Variants in VEGFA observed in about 807,000 individuals in gnomAD.
VEGFA encodes vascular endothelial growth factor A.
A neutral mutation model predicts 49.7 loss-of-function variants in VEGFA; 20 were observed. That is an observed-to-expected ratio of 0.40 (90% CI 0.28 to 0.58). VEGFA has a LOEUF of 0.58. Ranked by LOEUF, VEGFA falls within the 20% of genes least tolerant of loss-of-function variation. The pLI, the probability that VEGFA is intolerant of heterozygous loss-of-function variation, is 0.40. For synonymous variants in VEGFA, 219 were observed against 223.4 expected (o/e 0.98, Z 0.18); for missense variants, 505 against 553.5 (o/e 0.91, Z 0.88).
rs984416658 is a variant in VEGFA at position 43,770,249 on chromosome 6, G to T, written c.-458G>T. On this transcript the variant is annotated 5_prime_UTR_variant, in exon 1 of 8. Coordinates refer to ENST00000672860, the MANE Select transcript of VEGFA (RefSeq NM_003376.6). Reference sequence around the variant, plus strand: ...GCAGCCGGGTAGCTCGGAGGTCGTGGCGCTGGGGGCTAGCACCAGCGCTCT... The same window carrying T: ...GCAGCCGGGTAGCTCGGAGGTCGTGTCGCTGGGGGCTAGCACCAGCGCTCT... The T allele has an allele frequency of 1.2e-3, 300 of 248,496 alleles. 4 individuals carry two copies. The highest frequency in any genetic ancestry group is 1.7e-3 in the Non-Finnish European group (213 of 128,434). The allele number at this position is 248,496 out of a possible 1,614,324, so 15.4% of individuals were successfully genotyped here. A position where few individuals can be genotyped will look rare whatever the true frequency, so the allele number is the denominator to read the frequency against.
rs1561980368 is a variant in VEGFA, at chr6:43,771,067, G to C, written c.361G>C (p.Gly121Arg). Residue 121 changes from glycine (G) to arginine (R), a missense_variant, in exon 1 of 8, where the codon GGT (glycine) becomes CGT (arginine). Transcript: ENST00000672860. ...CGCTCGGAAGCCGGGCTCATGGACG[G>C]GTGAGGCGGCGGTGTGCGCAGACAG... 1 of 1,508,264 alleles carries C rather than the reference G, an allele frequency of 6.6e-7. No homozygotes were observed. Among genetic ancestry groups the C allele is most frequent in the Non-Finnish European group, 8.9e-7 (1 of 1,128,780 alleles). 93.4% of individuals were successfully genotyped at this position (1,508,264 alleles called of 1,614,324 possible).
intron 1 of VEGFA, chr6:43,774,072 G>T: frequency 1.8e-6 from 1 of 562,064 alleles, no homozygotes; most frequent in South Asian, 2.0e-5. Flanking sequence ...AAGCATTCTG[G>T]GGTTTTCCTC....
At chr6:43,774,510 G>A (rs1764660265) in intron 2 of VEGFA, 118 bp downstream of exon 2, 5 of 1,242,464 alleles carry the variant, frequency 4.0e-6, no homozygotes, top group Non-Finnish European at 5.8e-6. Context: ...GGAATATAAG[G>A]ATCAAGAAAG....
chr6:43,778,066 C>T, intron 3 of VEGFA: 1 of 445,982 alleles, frequency 2.2e-6, no homozygotes, highest in South Asian at 2.3e-5. Context: ...GGGCACATCT[C>T]AGCCCAGATA....
At position 43,770,894 on chromosome 6, in the gene VEGFA, G is replaced by C. The variant is rs1202242670; in HGVS notation, c.188G>C (p.Arg63Pro). 6.5e-7 allele frequency: 1 copy of C among 1,544,720 alleles called. No homozygotes were observed. Among genetic ancestry groups the C allele is most frequent in the Non-Finnish European group, 8.7e-7 (1 of 1,145,486 alleles). The change falls in exon 1 of 8, where the codon CGC (arginine) becomes CCC (proline). Residue 63 changes from arginine to proline, a missense_variant. By Grantham distance (103) the Arg-to-Pro change is moderately radical (BLOSUM62 -2). Coordinates refer to ENST00000672860, the MANE Select transcript of VEGFA (RefSeq NM_003376.6). ...TTCGTCCAACTTCTGGGCTGTTCTC[G>C]CTTCGGAGGAGCCGTGGTCCGCGCG...
At chr6:43,780,533 C>T (rs911800596) in intron 5 of VEGFA, 199 bp from the exon 6 acceptor site, 13 of 680,534 alleles carry the variant, frequency 1.9e-5, no homozygotes, top group South Asian at 5.3e-5. Context: ...AAAGAGCCAT[C>T]GAGTGCTTGC....
chr6:43,775,349 T>G, intron 2 of VEGFA: 1 of 152,280 alleles, frequency 6.6e-6, no homozygotes, highest in East Asian at 1.9e-4. Flanking sequence ...GAGAAAAGGT[T>G]GTCTGCGATA....
At chr6:43,782,323 T>G (rs1582530519) in intron 7 of VEGFA, 2 of 556,112 alleles carry the variant, frequency 3.6e-6, no homozygotes, top group East Asian at 3.6e-5. Flanking sequence ...TTGCCCTGGT[T>G]GCCTGAGTGG....
intron 1 of VEGFA, among the ~76,000 whole-genome samples, chr6:43,771,725 G>C (rs1255024279): frequency 6.6e-6 from 1 of 152,188 alleles, no homozygotes; most frequent in Non-Finnish European, 1.5e-5. Flanking sequence ...GGGGGTGCTC[G>C]GACCTTGGAC....
Position 43,785,840 on chromosome 6 carries a change from TAA to T in VEGFA, c.*1280_*1281del, listed in dbSNP as rs1379071045. 5.3e-6 allele frequency: 1 copy of T among 187,300 alleles called. No individual in the cohort carries two copies. The highest frequency in any genetic ancestry group is 1.1e-5 in the Non-Finnish European group (1 of 89,238). The allele number at this position is 187,300 out of a possible 1,614,324, so 11.6% of individuals were successfully genotyped here. ...TAGAAATTAAAACAGTTAATTTAAT[TAA>T]AGAGTAGGGTTTTTTTTCAGTATTC... On this transcript the variant is annotated 3_prime_UTR_variant, in exon 8 of 8. Transcript: ENST00000672860.
At chr6:43,780,698 G>GCT in intron 5 of VEGFA, 34 bp from the exon 6 acceptor site, 5 of 1,038,268 alleles carry the variant, frequency 4.8e-6, no homozygotes, top group Non-Finnish European at 6.7e-6. Flanking sequence ...CACCGCCCCC[G>GCT]CTCTCTCTCT....
chr6:43,780,767 GA>G lies in VEGFA; in HGVS notation c.1001del (p.Lys334SerfsTer50). The G allele has an allele frequency of 6.2e-7, 1 of 1,612,246 alleles. No individual in the cohort carries two copies. The highest frequency in any genetic ancestry group is 8.5e-7 in the Non-Finnish European group (1 of 1,179,310). Reference sequence around the variant, plus strand: ...CGAGGAAAGGGAAAGGGGCAAAAACGAAAGCGCAAGAAATCCCGGTATAAGT... The same window carrying G: ...CGAGGAAAGGGAAAGGGGCAAAAACGAAGCGCAAGAAATCCCGGTATAAGT... On this transcript the variant is annotated frameshift_variant, in exon 6 of 8. Transcript: ENST00000672860. LOFTEE classifies it high-confidence loss of function.
intron 2 of VEGFA, 36 bp downstream of exon 2, chr6:43,774,428 C>T (rs1434506997): frequency 6.2e-7 from 1 of 1,611,288 alleles, no homozygotes; most frequent in Non-Finnish European, 8.5e-7. Flanking sequence ...GGTTCCCTGT[C>T]CTCTCAGGGG....
At chr6:43,774,854 T>C in intron 2 of VEGFA, 1 of 195,224 alleles carries the variant, frequency 5.1e-6, no homozygotes. Context: ...CTCCCTTCCC[T>C]GGTTTGCATT....
At position 43,777,132 on chromosome 6, in the gene VEGFA, G is replaced by A. The variant is rs916711340; in HGVS notation, c.659-337G>A. 5.1e-5 allele frequency: 21 copies of A among 410,182 alleles called. No individual in the cohort carries two copies. Among genetic ancestry groups the A allele is most frequent in the African/African-American group, 4.1e-4 (20 of 48,890 alleles). 25.4% of individuals were successfully genotyped at this position (410,182 alleles called of 1,614,324 possible). Reference sequence around the variant, plus strand: ...GGAAAGCTTAGAGCATCCCCATGGGGTATACCCATACTCAGACTGTCCTCT... The same window carrying A: ...GGAAAGCTTAGAGCATCCCCATGGGATATACCCATACTCAGACTGTCCTCT... On this transcript the variant is annotated intron_variant, in intron 2 of 7. Transcript: ENST00000672860. This position sits in a 1 kb window ranked among gnomAD's most constrained non-coding sequence, Gnocchi z 4.3.
Position 43,771,260 on chromosome 6 carries a change from T to C in VEGFA, c.554T>C (p.Leu185Pro). 2 of 1,607,214 alleles carry C rather than the reference T, an allele frequency of 1.2e-6. No individual in the cohort carries two copies. The highest frequency in any genetic ancestry group is 1.7e-6 in the Non-Finnish European group (2 of 1,177,550). Reference sequence around the variant, plus strand: ...GCCTCCGAAACCATGAACTTTCTGCTGTCTTGGGTGCATTGGAGCCTTGCC... The same window carrying C: ...GCCTCCGAAACCATGAACTTTCTGCCGTCTTGGGTGCATTGGAGCCTTGCC... The change falls in exon 1 of 8, where the codon CTG becomes CCG. Residue 185 changes from leucine (L) to proline (P), a missense_variant. Around this residue, in one of 2 missense-constraint regions of VEGFA, gnomAD observed 340 missense variants for 321.8 expected, o/e 1.06. Transcript: ENST00000672860.
At chr6:43,771,911 C>T (rs1763722292) in intron 1 of VEGFA, 3 of 614,570 alleles carry the variant, frequency 4.9e-6, no homozygotes, top group East Asian at 1.4e-4. Flanking sequence ...CCCCGCCCGT[C>T]CCCGCTCGCG....
chr6:43,779,930 G>C, intron 5 of VEGFA: 1 of 316,606 alleles, frequency 3.2e-6, no homozygotes, highest in Non-Finnish European at 6.5e-6. Flanking sequence ...CTCTGCCATG[G>C]GGAGAGTAGG....
chr6:43,772,610 G>C (rs1171697809), intron 1 of VEGFA, among the ~76,000 whole-genome samples: 1 of 152,210 alleles, frequency 6.6e-6, no homozygotes, highest in Non-Finnish European at 1.5e-5. Context: ...CTTTGTCCTG[G>C]TGAAAGGCAG....
Sources: allele counts gnomAD v4.1 joint callset (sites outside exome capture counted in the v4.1 genomes callset), GRCh38; gene constraint gnomAD v4.1.1; regional missense constraint gnomAD v4.1.1; non-coding constraint Gnocchi (gnomAD v3.1); transcripts MANE v1.5; gene names NCBI Gene and HGNC (gene_info 2026-07-23, HGNC 2026-07-21).